The following WDR48 variants were observed in gnomAD, a reference collection of about 807,000 sequenced individuals.
WDR48 encodes the protein WD repeat domain 48.
Under a neutral mutation model 94.0 loss-of-function variants are expected in WDR48, and 22 were observed. The observed-to-expected ratio is 0.23, with a 90% confidence interval of 0.17 to 0.33. The LOEUF (loss-of-function observed/expected upper bound fraction) is 0.33, where lower values mean the gene tolerates loss of function less well. WDR48 is among the 10% of genes least tolerant of loss of function. WDR48 has a pLI of 1.00. For missense variants in WDR48, 541 were observed against 813.8 expected, an observed-to-expected ratio of 0.66 and a Z score of 4.08; for synonymous variants, 278 against 280.5, an observed-to-expected ratio of 0.99 and a Z score of 0.09.
intron 2 of WDR48, among the ~76,000 whole-genome samples, chr3:39,063,406 T>G (rs998597314): frequency 5.3e-5 from 8 of 152,204 alleles, no homozygotes; most frequent in African/African-American, 1.9e-4. Flanking sequence ...AAGGACTCCC[T>G]AAACTAGGTT....
chr3:39,082,617 G>T (rs1028862083), intron 11 of WDR48, among the ~76,000 whole-genome samples: 1 of 152,106 alleles, frequency 6.6e-6, no homozygotes, highest in African/African-American at 2.4e-5. Flanking sequence ...TATGAGGAAA[G>T]GAAAAAGCAA....
At chr3:39,062,083 CTGTGCATAAGCTCTTT>C (rs1449100400) in intron 1 of WDR48, among the ~76,000 whole-genome samples, 1 of 152,152 alleles carries the variant, frequency 6.6e-6, no homozygotes, top group Non-Finnish European at 1.5e-5. Flanking sequence ...GTTTCTTTTG[CTGTGCATAAGCTCTTT>C]AGTTTAATTA....
intron 7 of WDR48, among the ~76,000 whole-genome samples, chr3:39,073,728 ACT>A (rs1445065560): frequency 6.6e-6 from 1 of 151,988 alleles, no homozygotes; most frequent in African/African-American, 2.4e-5. Flanking sequence ...TATGTAGTTG[ACT>A]CTCTTGAGCC....
At chr3:39,055,770 T>C (rs2032837279) in intron 1 of WDR48, among the ~76,000 whole-genome samples, 1 of 152,184 alleles carries the variant, frequency 6.6e-6, no homozygotes, top group Admixed American at 6.5e-5. Context: ...AACCTGAGTC[T>C]GTTGATTGGC....
At chr3:39,067,530 T>C (rs1368106901) in intron 5 of WDR48, among the ~76,000 whole-genome samples, 2 of 152,146 alleles carry the variant, frequency 1.3e-5, no homozygotes, top group Admixed American at 6.5e-5. Flanking sequence ...AGATTTGAAA[T>C]TGAGCTTCAT....
intron 17 of WDR48, 50 bp downstream of exon 17, chr3:39,091,751 C>G: frequency 7.0e-7 from 1 of 1,420,572 alleles, no homozygotes; most frequent in East Asian, 2.4e-5. Flanking sequence ...GAGAGAATTC[C>G]TTTTCCTTAT....
intron 10 of WDR48, 43 bp downstream of exon 10, chr3:39,078,282 A>T: frequency 7.3e-7 from 1 of 1,360,800 alleles, no homozygotes; most frequent in Non-Finnish European, 1.0e-6. Context: ...GAAGTTAGCG[A>T]TAGTTACTTA....
At chr3:39,081,256 C>A (rs913937385) in intron 11 of WDR48, among the ~76,000 whole-genome samples, 1 of 152,188 alleles carries the variant, frequency 6.6e-6, no homozygotes. Context: ...AAAAGAGATT[C>A]ACTTAATGAA....
In WDR48 at chr3:39,093,859, A is replaced by G; in HGVS notation, c.1746-15A>G. 3 of 1,530,228 alleles carry G rather than the reference A, an allele frequency of 2.0e-6. No individual in the cohort carries two copies. Among genetic ancestry groups the G allele is most frequent in the Non-Finnish European group, 2.6e-6 (3 of 1,140,766 alleles). 94.8% of individuals were successfully genotyped at this position (1,530,228 alleles called of 1,614,324 possible). ...GATTTCCCTGATGTCACAATATGCC[A>G]TTGCTTTTTTACAGAGATAGACTCT... On this transcript the variant is annotated splice_polypyrimidine_tract_variant and intron_variant, in intron 17 of 18. Transcript: ENST00000302313.
Position 39,094,652 on chromosome 3 carries a change from TG to T in WDR48, c.1945del (p.Asp649IlefsTer9). ...KIELLCQDQV[L>X]DPNMDLRTVK... The stretch of plus-strand genomic sequence containing the variant: ...AATTTAATTTTGGCTATTCAGGTTT[TG>T]GATCCAAATATGGACCTTCGAACAG... On this transcript the variant is annotated frameshift_variant, in exon 19 of 19. Transcript: ENST00000302313. LOFTEE classifies it high-confidence loss of function. The T allele has an allele frequency of 6.2e-7, 1 of 1,614,182 alleles. No homozygotes were observed. The highest frequency in any genetic ancestry group is 8.5e-7 in the Non-Finnish European group (1 of 1,180,030).
At chr3:39,091,744 A>G (rs1209154315) in intron 17 of WDR48, 43 bp downstream of exon 17, 1 of 1,459,520 alleles carries the variant, frequency 6.9e-7, no homozygotes, top group African/African-American at 1.4e-5. Flanking sequence ...ACTACTAGAG[A>G]GAATTCCTTT....
rs1243353741 is a variant in WDR48, at chr3:39,091,580, C to A, written c.1669-45C>A. The A allele has an allele frequency of 4.4e-6, 6 of 1,367,886 alleles. No individual in the cohort carries two copies. In the African/African-American group the frequency reaches 6.0e-5, roughly 14 times the overall value. The allele number at this position is 1,367,886 out of a possible 1,614,324, so 84.7% of individuals were successfully genotyped here. A position where few individuals can be genotyped will look rare whatever the true frequency, so the allele number is the denominator to read the frequency against. ...TCCTATTAACATTATTTTCATTTAT[C>A]AACTAATAGAAACTGTTATACCTTT... is the stretch of plus-strand genomic sequence containing the variant. On this transcript the variant is annotated intron_variant, in intron 16 of 18. Transcript: ENST00000302313.
At chr3:39,056,817 CAAAG>C (rs1015417270) in intron 1 of WDR48, among the ~76,000 whole-genome samples, 2 of 151,984 alleles carry the variant, frequency 1.3e-5, no homozygotes, top group Non-Finnish European at 2.9e-5. Flanking sequence ...ATGGAGTGAA[CAAAG>C]AAAGAAGGAG....
intron 1 of WDR48, among the ~76,000 whole-genome samples, chr3:39,060,580 T>C (rs1018354872): frequency 2.0e-5 from 3 of 152,368 alleles, no homozygotes; most frequent in Admixed American, 1.3e-4. Context: ...TTTGGCCAGA[T>C]CACCATTGCT....
chr3:39,054,800 T>G (rs983329407), intron 1 of WDR48, among the ~76,000 whole-genome samples: 1 of 151,938 alleles, frequency 6.6e-6, no homozygotes, highest in African/African-American at 2.4e-5. Flanking sequence ...GATCTGCTCG[T>G]CTTCCAGGGA....
chr3:39,088,018 G>A, intron 14 of WDR48, 110 bp from the exon 15 acceptor site: 1 of 997,706 alleles, frequency 1.0e-6, no homozygotes, highest in Non-Finnish European at 1.5e-6. Context: ...TGGACTTAGA[G>A]GACATTTGAA....
intron 1 of WDR48, among the ~76,000 whole-genome samples, chr3:39,055,878 C>A (rs1433452904): frequency 1.3e-5 from 2 of 152,184 alleles, no homozygotes; most frequent in Non-Finnish European, 2.9e-5. Context: ...GCTGCCACTT[C>A]TAGTTAAGCT....
chr3:39,058,699 TGGG>T (rs2125635243), intron 1 of WDR48, among the ~76,000 whole-genome samples: 2 of 152,290 alleles, frequency 1.3e-5, no homozygotes, highest in South Asian at 4.1e-4. Context: ...GACACTATAA[TGGG>T]GGCACAGGGG....
At chr3:39,072,395 T>A (rs539536213) in intron 7 of WDR48, among the ~76,000 whole-genome samples, 162 of 152,346 alleles carry the variant, frequency 1.1e-3, no homozygotes, top group Admixed American at 2.0e-3. Context: ...AATACAAGTC[T>A]GCTGATCCTA....
Sources: allele counts gnomAD v4.1 joint callset (sites outside exome capture counted in the v4.1 genomes callset), GRCh38; gene constraint gnomAD v4.1.1; transcripts MANE v1.5; gene names NCBI Gene and HGNC (gene_info 2026-07-23, HGNC 2026-07-21).